Variants in DLG2 observed in about 807,000 individuals in gnomAD.
DLG2 encodes the protein disks large homolog 2.
A neutral mutation model predicts 132.5 loss-of-function variants in DLG2; 45 were observed. The ratio of observed to expected loss-of-function variants is 0.34; its 90% confidence interval spans 0.27 to 0.44. DLG2 has a LOEUF of 0.44. DLG2 is among the 20% of genes least tolerant of loss of function. DLG2 has a pLI of 1.00. For missense variants in DLG2, 1,045 were observed against 1,196.9 expected (o/e 0.87, Z 1.87); for synonymous variants, 424 against 419.6 (o/e 1.01, Z -0.13).
intron 3 of DLG2, among the ~76,000 whole-genome samples, chr11:85,534,742 A>G (rs1199643717): frequency 6.6e-6 from 1 of 152,202 alleles, no homozygotes; most frequent in African/African-American, 2.4e-5. Flanking sequence ...TCCATCGTTG[A>G]TGAGCATCTA....
intron 5 of DLG2, among the ~76,000 whole-genome samples, chr11:85,148,951 T>TCAGTTTTCTGCCTATAGCTAGC (rs1216756831): frequency 2.6e-5 from 4 of 152,224 alleles, no homozygotes; most frequent in African/African-American, 9.6e-5. Context: ...GGGTCAAGTT[T>TCAGTTTTCTGCCTATAGCTAGC]CAGTTTTCTG....
intron 6 of DLG2, among the ~76,000 whole-genome samples, chr11:85,096,840 A>G (rs2069893605): frequency 6.6e-6 from 1 of 152,150 alleles, no homozygotes; most frequent in African/African-American, 2.4e-5. Context: ...TAGCGTGGCC[A>G]CTGGACTAAA....
intron 4 of DLG2, among the ~76,000 whole-genome samples, chr11:85,188,309 A>G (rs1463944216): frequency 6.6e-6 from 1 of 152,212 alleles, no homozygotes; most frequent in Non-Finnish European, 1.5e-5. Context: ...ACAAAAGTAA[A>G]TATTAAAATC....
chr11:84,133,671 G>A (rs193300225), intron 9 of DLG2, among the ~76,000 whole-genome samples: 16 of 151,920 alleles, frequency 1.1e-4, no homozygotes, highest in Non-Finnish European at 1.9e-4. Flanking sequence ...AATAGAGACA[G>A]TGTTTTGCTA....
chr11:84,048,360 G>A (rs2096281925), intron 11 of DLG2, among the ~76,000 whole-genome samples: 2 of 151,406 alleles, frequency 1.3e-5, no homozygotes, highest in African/African-American at 2.4e-5. Context: ...GAACCATTGT[G>A]GTAATTCAAA....
At chr11:85,102,406 G>T (rs1230001045) in intron 6 of DLG2, among the ~76,000 whole-genome samples, 1 of 151,946 alleles carries the variant, frequency 6.6e-6, no homozygotes, top group Non-Finnish European at 1.5e-5. Flanking sequence ...CTTTAATGGT[G>T]CTATGTCATA....
chr11:84,449,444 GT>G (rs1405446618), intron 7 of DLG2, among the ~76,000 whole-genome samples: 1 of 151,422 alleles, frequency 6.6e-6, no homozygotes, highest in Non-Finnish European at 1.5e-5. Flanking sequence ...AATATACAAA[GT>G]TTTAAAAAAG....
chr11:85,565,068 T>A (rs2077455954), intron 3 of DLG2, among the ~76,000 whole-genome samples: 1 of 152,092 alleles, frequency 6.6e-6, no homozygotes, highest in South Asian at 2.1e-4. Context: ...TGTATATTGA[T>A]CTTGTATCCT....
chr11:83,909,209 T>C (rs1468866925), intron 15 of DLG2, among the ~76,000 whole-genome samples: 1 of 152,236 alleles, frequency 6.6e-6, no homozygotes, highest in East Asian at 1.9e-4. Flanking sequence ...GTAGGGCATT[T>C]ATTACTAAGT....
intron 3 of DLG2, among the ~76,000 whole-genome samples, chr11:85,306,549 G>A (rs538987004): frequency 6.6e-6 from 1 of 152,324 alleles, no homozygotes; most frequent in South Asian, 2.1e-4. Flanking sequence ...TATTAGTGGA[G>A]ATCTGACCAC....
chr11:83,638,142 A>C (rs56194031), intron 18 of DLG2, among the ~76,000 whole-genome samples: 1 of 152,102 alleles, frequency 6.6e-6, no homozygotes, highest in Non-Finnish European at 1.5e-5. Flanking sequence ...CATTACCCCC[A>C]GCTAGTTCTT....
At chr11:85,018,314 C>A (rs2059736059) in intron 6 of DLG2, among the ~76,000 whole-genome samples, 1 of 152,244 alleles carries the variant, frequency 6.6e-6, no homozygotes, top group Non-Finnish European at 1.5e-5. Context: ...CACAAATATG[C>A]AAAATCACTG....
At chr11:84,145,354 G>A (rs905657962) in intron 9 of DLG2, among the ~76,000 whole-genome samples, 1 of 152,128 alleles carries the variant, frequency 6.6e-6, no homozygotes, top group African/African-American at 2.4e-5. Flanking sequence ...TAGGCTACAT[G>A]GTATAGACCA....
intron 4 of DLG2, among the ~76,000 whole-genome samples, chr11:85,278,219 C>T (rs1268545949): frequency 3.9e-5 from 6 of 152,208 alleles, no homozygotes; most frequent in Admixed American, 3.9e-4. Flanking sequence ...AGACATTTAA[C>T]TTCTCTGAGG....
chr11:85,062,566 T>C (rs1391626971), intron 6 of DLG2, among the ~76,000 whole-genome samples: 2 of 151,358 alleles, frequency 1.3e-5, no homozygotes, highest in African/African-American at 4.8e-5. Context: ...ACAGGAAAGA[T>C]AAGTTTTTAC....
intron 15 of DLG2, among the ~76,000 whole-genome samples, chr11:83,876,308 G>C (rs1159169153): frequency 6.6e-6 from 1 of 152,084 alleles, no homozygotes; most frequent in East Asian, 1.9e-4. Flanking sequence ...TGTACTTTGA[G>C]ATGTTTAGTA....
rs140965750 is a variant in DLG2 at position 84,490,487 on chromosome 11, G to A, written c.519+44083C>T. On this transcript the variant is annotated intron_variant, in intron 7 of 27. Coordinates refer to ENST00000376104, the MANE Select transcript of DLG2 (RefSeq NM_001142699.3). ...AAAAGCTCAGGAAAACTGAGCCCTGGTTTAATAACTTACTGGCCTCTGTTT... is the reference window on the plus strand; with the variant it reads ...AAAAGCTCAGGAAAACTGAGCCCTGATTTAATAACTTACTGGCCTCTGTTT... Among the ~76,000 whole-genome samples the A allele has an allele frequency of 6.6e-4, 101 of 152,032 alleles. 1 individual carries two copies. The highest frequency in any genetic ancestry group is 3.4e-3 in the Middle Eastern group (1 of 292).
At chr11:83,879,384 C>T (rs2065576405) in intron 15 of DLG2, among the ~76,000 whole-genome samples, 2 of 152,016 alleles carry the variant, frequency 1.3e-5, no homozygotes, top group Non-Finnish European at 2.9e-5. Flanking sequence ...TTCAATATTG[C>T]CTATTTTTCC....
intron 6 of DLG2, among the ~76,000 whole-genome samples, chr11:84,602,416 G>T (rs2099578241): frequency 6.6e-6 from 1 of 151,698 alleles, no homozygotes; most frequent in Admixed American, 6.6e-5. Flanking sequence ...ATTAAATAAT[G>T]AAAACTTTGT....
Sources: allele counts gnomAD v4.1 joint callset (sites outside exome capture counted in the v4.1 genomes callset), GRCh38; gene constraint gnomAD v4.1.1; transcripts MANE v1.5; gene names NCBI Gene and HGNC (gene_info 2026-07-23, HGNC 2026-07-21).